The following ZNF613 variants were observed in gnomAD, a reference collection of about 807,000 sequenced individuals.
The protein encoded by ZNF613 is zinc finger protein 613.
Under a neutral mutation model 14.3 loss-of-function variants are expected in ZNF613, and 8 were observed. The ratio of observed to expected loss-of-function variants is 0.56; its 90% CI spans 0.33 to 1.01. The LOEUF (loss-of-function observed/expected upper bound fraction) is 1.01. ZNF613 is among the 50% of genes least tolerant of loss of function. The pLI, the probability that ZNF613 is intolerant of heterozygous loss-of-function variation, is 0.03. For missense variants in ZNF613, 656 were observed against 741.9 expected (o/e 0.88, Z 1.35); for synonymous variants, 228 against 254.5 (o/e 0.90, Z 0.99).
At chr19:51,930,244 C>G (rs2085253640) in intron 2 of ZNF613, among the ~76,000 whole-genome samples, 1 of 151,730 alleles carries the variant, frequency 6.6e-6, no homozygotes, top group Non-Finnish European at 1.5e-5. Context: ...TCTTTTGTGA[C>G]TGGTTTCTTT....
At chr19:51,935,932 C>T (rs2085302203) in intron 2 of ZNF613, 96 bp from the exon 3 acceptor site, 2 of 353,294 alleles carry the variant, frequency 5.7e-6, no homozygotes, top group East Asian at 8.5e-5. Context: ...AATAAAGGGA[C>T]AGTTAGAGAT....
chr19:51,933,004 T>C (rs1017868238), intron 2 of ZNF613, among the ~76,000 whole-genome samples: 12 of 152,162 alleles, frequency 7.9e-5, no homozygotes, highest in Admixed American at 6.5e-4. Flanking sequence ...CTTAGCATAA[T>C]GTTTTTGTGG....
chr19:51,944,048 T>C (rs529876178), intron 5 of ZNF613, 71 bp from the exon 6 acceptor site: 2 of 1,319,652 alleles, frequency 1.5e-6, no homozygotes, highest in East Asian at 2.6e-5. Context: ...AGAGCCAGCC[T>C]GTACAAGACT....
chr19:51,942,150 A>G (rs558458740), intron 5 of ZNF613, among the ~76,000 whole-genome samples: 2 of 152,304 alleles, frequency 1.3e-5, no homozygotes, highest in African/African-American at 4.8e-5. Flanking sequence ...TTTCCTTTTC[A>G]TAAATTCAAA....
At position 51,942,417 on chromosome 19, in the gene ZNF613, C is replaced by T. The variant is rs541173633; in HGVS notation, c.236-1702C>T. On this transcript the variant is annotated intron_variant, in intron 5 of 5. Transcript: ENST00000293471. ...AATAACAAAGTATAATGAGGGATGC[C>T]GGGAGTGGGAATGGCTGTTTGGTCA... 4.6e-5 allele frequency among the ~76,000 whole-genome samples: 7 copies of T among 152,180 alleles called. No homozygotes were observed. In the South Asian group the frequency reaches 1.0e-3, roughly 23 times the overall value.
chr19:51,933,293 T>C (rs1377910356), intron 2 of ZNF613, among the ~76,000 whole-genome samples: 2 of 152,216 alleles, frequency 1.3e-5, no homozygotes, highest in African/African-American at 4.8e-5. Flanking sequence ...GACTCAAGTG[T>C]AATCTTTTGC....
At position 51,945,337 on chromosome 19, in the gene ZNF613, C is replaced by G; in HGVS notation, c.1454C>G (p.Thr485Arg). The stretch of plus-strand genomic sequence containing the variant: ...ATTCACACAGGAGAGAAACCCTATA[C>G]ATGCAGTGACTGTGGGAAAGCTTTC... ...QRIHTGEKPY[T>R]CSDCGKAFRD... The change falls in exon 6 of 6, where the codon ACA (threonine) becomes AGA (arginine). Residue 485 changes from threonine to arginine, a missense_variant. Thr to Arg is a moderately conservative substitution (Grantham distance 71). Transcript: ENST00000293471. 1 of 1,614,062 alleles carries G rather than the reference C, an allele frequency of 6.2e-7. No individual in the cohort carries two copies. Among genetic ancestry groups the G allele is most frequent in the Non-Finnish European group, 8.5e-7 (1 of 1,179,994 alleles).
intron 1 of ZNF613, among the ~76,000 whole-genome samples, chr19:51,928,259 G>C (rs1404253424): frequency 6.6e-6 from 1 of 152,240 alleles, no homozygotes; most frequent in African/African-American, 2.4e-5. Context: ...ACTCAGTGAG[G>C]AGGAGCCCGG....
Position 51,944,387 on chromosome 19 carries a change from G to A in ZNF613, c.504G>A (p.Lys168=). 4 of 1,605,654 alleles carry A rather than the reference G, an allele frequency of 2.5e-6. No homozygotes were observed. The highest frequency in any genetic ancestry group is 2.6e-6 in the Non-Finnish European group (3 of 1,173,362). ...NGDGKSFLHA[K]HEQFHNEMNF... ...ATGGGAAATCCTTCCTTCATGCCAA[G>A]CATGAACAATTTCATAATGAAATGA... is the stretch of plus-strand genomic sequence containing the variant. The change falls in exon 6 of 6, where the codon AAG becomes AAA. Residue 168 remains lysine, a synonymous_variant. Transcript: ENST00000293471.
chr19:51,933,458 T>G (rs2085282695), intron 2 of ZNF613, among the ~76,000 whole-genome samples: 2 of 152,254 alleles, frequency 1.3e-5, no homozygotes, highest in South Asian at 4.1e-4. Context: ...TTATTTTTAT[T>G]TTTGAGACAG....
Position 51,944,256 on chromosome 19 carries a change from A to T in ZNF613, c.373A>T (p.Asn125Tyr). ...GAAAAGTGATTTTCCTTTAAGGCAA[A>T]ATCATGATACATTTGACTTACATGG... ...QRKSDFPLRQ[N>Y]HDTFDLHGKI... Residue 125 changes from asparagine (N) to tyrosine (Y), a missense_variant, in exon 6 of 6, where the codon AAT becomes TAT. By Grantham distance (143) the Asn-to-Tyr change is moderately radical (BLOSUM62 -2). Transcript: ENST00000293471. 1 of 1,610,502 alleles carries T rather than the reference A, an allele frequency of 6.2e-7. No homozygotes were observed. The highest frequency in any genetic ancestry group is 8.5e-7 in the Non-Finnish European group (1 of 1,178,040).
Position 51,945,588 on chromosome 19 carries a change from G to A in ZNF613, c.1705G>A (p.Val569Ile). 1 of 1,614,168 alleles carries A rather than the reference G, an allele frequency of 6.2e-7. No homozygotes were observed. The highest frequency in any genetic ancestry group is 2.2e-5 in the East Asian group (1 of 44,886). Residue 569 changes from valine to isoleucine, a missense_variant, in exon 6 of 6, where the codon GTT becomes ATT. By Grantham distance (29) the Val-to-Ile change is conservative (BLOSUM62 3). Coordinates refer to ENST00000293471, the MANE Select transcript of ZNF613 (RefSeq NM_001031721.4). ...TRDLIQDKDS[V>I]NMVTLQMPSV... ...TGATCTCATACAGGATAAAGACTCT[G>A]TTAACATGGTGACTCTGCAGATGCC...
chr19:51,934,242 C>T (rs533381863), intron 2 of ZNF613, among the ~76,000 whole-genome samples: 4 of 151,990 alleles, frequency 2.6e-5, no homozygotes, highest in East Asian at 3.9e-4. Context: ...TTTGATTTTT[C>T]GATAGAGGGA....
rs57398651 is a variant in ZNF613 at position 51,936,110 on chromosome 19, G to C, written c.-111G>C. ...AGGACCTGGATACCATCCTTTGCAG[G>C]GATGTAATTCACCAGAGACCAAGAT... On this transcript the variant is annotated 5_prime_UTR_variant, in exon 3 of 6. Transcript: ENST00000293471. 6.1e-3 allele frequency: 6,894 copies of C among 1,134,492 alleles called. 304 individuals carry two copies. In the African/African-American group the frequency reaches 0.094, roughly 16 times the overall value. The allele number at this position is 1,134,492 out of a possible 1,614,324, so 70.3% of individuals were successfully genotyped here. A position where few individuals can be genotyped will look rare whatever the true frequency, so the allele number is the denominator to read the frequency against.
chr19:51,931,414 A>G (rs1419729669), intron 2 of ZNF613, among the ~76,000 whole-genome samples: 1 of 152,184 alleles, frequency 6.6e-6, no homozygotes, highest in Non-Finnish European at 1.5e-5. Context: ...TGAATCTATA[A>G]AACTGTCACT....
rs1042759497 is a variant in ZNF613, at chr19:51,940,367, G to A, written c.142+32G>A. On this transcript the variant is annotated intron_variant, in intron 4 of 5. Transcript: ENST00000293471. ...ACAGCTGCCCTGTGTCACTCAGAGA[G>A]TACCCAGTCAAAGGCCTTTGCTTTC... The A allele has an allele frequency of 2.5e-6, 4 of 1,612,716 alleles. No homozygotes were observed. The African/African-American group carries it at 4.0e-5, about 16-fold the overall frequency.
intron 2 of ZNF613, among the ~76,000 whole-genome samples, chr19:51,931,007 G>T (rs2085259879): frequency 6.6e-6 from 1 of 152,126 alleles, no homozygotes; most frequent in African/African-American, 2.4e-5. Context: ...CATTTCTCTG[G>T]AGACTTATGT....
chr19:51,929,072 A>G (rs2085243248), intron 1 of ZNF613, among the ~76,000 whole-genome samples: 1 of 152,214 alleles, frequency 6.6e-6, no homozygotes, highest in Admixed American at 6.5e-5. Context: ...TTTTGATAAG[A>G]TTTTTGTATA....
At chr19:51,933,899 A>G (rs770633543) in intron 2 of ZNF613, among the ~76,000 whole-genome samples, 14 of 152,268 alleles carry the variant, frequency 9.2e-5, no homozygotes, top group Non-Finnish European at 1.8e-4. Flanking sequence ...GCCAGGTTCA[A>G]ATGATTCTCC....
Sources: allele counts gnomAD v4.1 joint callset (sites outside exome capture counted in the v4.1 genomes callset), GRCh38; gene constraint gnomAD v4.1.1; transcripts MANE v1.5; gene names NCBI Gene and HGNC (gene_info 2026-07-23, HGNC 2026-07-21).